GALC: variants seen among roughly 807,000 people sequenced by gnomAD.
GALC encodes the protein galactocerebrosidase.
Under a neutral mutation model 91.8 loss-of-function variants are expected in GALC, and 77 were observed. That is an observed-to-expected ratio of 0.84 (90% CI 0.70 to 1.01). The LOEUF (loss-of-function observed/expected upper bound fraction) is 1.01, where lower values mean the gene tolerates loss of function less well. GALC is among the 50% of genes least tolerant of loss of function. The pLI, the probability that GALC is intolerant of heterozygous loss-of-function variation, is 0.00. For missense variants in GALC, 882 were observed against 855.9 expected (o/e 1.03, Z -0.38); for synonymous variants, 357 against 306.7 (o/e 1.16, Z -1.71).
At chr14:87,942,458 TACA>T (rs1263705649) in intron 14 of GALC, among the ~76,000 whole-genome samples, 1 of 151,992 alleles carries the variant, frequency 6.6e-6, no homozygotes, top group African/African-American at 2.4e-5. Flanking sequence ...TGCTACCAGG[TACA>T]ACACTTTCCT....
Position 87,933,913 on chromosome 14 carries a change from G to T in GALC, c.*819C>A. The T allele has an allele frequency of 7.5e-7, 1 of 1,338,408 alleles. No homozygotes were observed. The highest frequency in any genetic ancestry group is 1.0e-6 in the Non-Finnish European group (1 of 967,046). The allele number at this position is 1,338,408 out of a possible 1,614,324, so 82.9% of individuals were successfully genotyped here. ...GAGTCTGTTACCAGTGCACATGTGA[G>T]GACAGACCACAGCACAGTGAGATGA... On this transcript the variant is annotated 3_prime_UTR_variant, in exon 17 of 17. Transcript: ENST00000261304.
intron 6 of GALC, chr14:87,981,447 C>T (rs1455603422): frequency 5.2e-6 from 1 of 192,602 alleles, no homozygotes; most frequent in African/African-American, 2.4e-5. Context: ...TCTCCAAAAA[C>T]CTATGGAAAT....
intron 7 of GALC, among the ~76,000 whole-genome samples, chr14:87,972,521 C>T (rs1456127274): frequency 6.6e-6 from 1 of 151,766 alleles, no homozygotes; most frequent in African/African-American, 2.4e-5. Flanking sequence ...AGCTATTATC[C>T]GATGATTTTT....
intron 10 of GALC, 84 bp downstream of exon 10, chr14:87,963,300 G>T: frequency 7.0e-7 from 1 of 1,424,450 alleles, no homozygotes; most frequent in Non-Finnish European, 9.9e-7. Context: ...GTATTTACAT[G>T]TAAAACAAAA....
intron 3 of GALC, among the ~76,000 whole-genome samples, chr14:87,987,473 C>T (rs1276862399): frequency 1.3e-5 from 2 of 152,160 alleles, no homozygotes; most frequent in Non-Finnish European, 1.5e-5. Context: ...TCAACATAAA[C>T]ACTAATACCA....
intron 9 of GALC, among the ~76,000 whole-genome samples, chr14:87,965,059 A>G (rs1885975812): frequency 6.6e-6 from 1 of 152,176 alleles, no homozygotes; most frequent in African/African-American, 2.4e-5. Flanking sequence ...ATTCAATAAT[A>G]CAGTATTTTT....
Position 87,950,682 on chromosome 14 carries a change from T to C in GALC, c.1228A>G (p.Thr410Ala). ...ACAAAAGATCCCTTAAGAACAAAGGTGGCAAATTGTTGTGACACATTGAAA... is the reference window on the plus strand; with the variant it reads ...ACAAAAGATCCCTTAAGAACAAAGGCGGCAAATTGTTGTGACACATTGAAA... Reference protein sequence around the residue: ...PYFNVSQQFATFVLKGSFSEI... With the variant: ...PYFNVSQQFAAFVLKGSFSEI... The change falls in exon 11 of 17, where the codon ACC (threonine) becomes GCC (alanine). Residue 410 changes from threonine to alanine, a missense_variant. Coordinates refer to ENST00000261304, the MANE Select transcript of GALC (RefSeq NM_000153.4). The C allele has an allele frequency of 6.2e-7, 1 of 1,603,546 alleles. No homozygotes were observed. Among genetic ancestry groups the C allele is most frequent in the South Asian group, 1.1e-5 (1 of 90,728 alleles).
chr14:87,983,604 T>C (rs960578015), intron 5 of GALC, among the ~76,000 whole-genome samples: 2 of 152,194 alleles, frequency 1.3e-5, no homozygotes, highest in South Asian at 2.1e-4. Context: ...CATGATTGCA[T>C]GAAAATGTTT....
intron 4 of GALC, among the ~76,000 whole-genome samples, chr14:87,985,396 C>T (rs1020521503): frequency 6.6e-6 from 1 of 152,114 alleles, no homozygotes; most frequent in African/African-American, 2.4e-5. Context: ...TTCTTGAAAA[C>T]AATGAAATGC....
At chr14:87,941,647 A>G (rs1884860651) in intron 14 of GALC, 89 bp from the exon 15 acceptor site, 1 of 932,350 alleles carries the variant, frequency 1.1e-6, no homozygotes. Flanking sequence ...CATGCTTCCA[A>G]ACTTCTAATT....
chr14:87,962,142 T>C (rs893598536), intron 10 of GALC, among the ~76,000 whole-genome samples: 8 of 152,168 alleles, frequency 5.3e-5, no homozygotes, highest in African/African-American at 1.9e-4. Context: ...GCCCCAAGAA[T>C]ATAACCAGAC....
In GALC at chr14:87,934,146, T is replaced by C; in HGVS notation, c.*586A>G. 7.0e-7 allele frequency: 1 copy of C among 1,424,850 alleles called. No individual in the cohort carries two copies. The allele number at this position is 1,424,850 out of a possible 1,614,324, so 88.3% of individuals were successfully genotyped here. ...GAGGTAGTTTATTAAAGAGGCATTT[T>C]TAAAATCATCCCACTCATCATATCC... On this transcript the variant is annotated 3_prime_UTR_variant, in exon 17 of 17. Coordinates refer to ENST00000261304, the MANE Select transcript of GALC (RefSeq NM_000153.4).
intron 8 of GALC, among the ~76,000 whole-genome samples, chr14:87,965,942 C>A (rs1468027112): frequency 6.6e-6 from 1 of 152,170 alleles, no homozygotes; most frequent in Non-Finnish European, 1.5e-5. Flanking sequence ...CAACACATCA[C>A]AAATTTGAGT....
chr14:87,992,351 G>A (rs148783773), intron 1 of GALC: 9 of 1,535,722 alleles, frequency 5.9e-6, no homozygotes, highest in Middle Eastern at 1.7e-4. Context: ...GGAGTACCCG[G>A]TAGTTTCAGG....
chr14:87,971,365 G>C (rs1038252410), intron 7 of GALC, among the ~76,000 whole-genome samples: 3 of 152,160 alleles, frequency 2.0e-5, no homozygotes, highest in African/African-American at 7.2e-5. Context: ...TCACAGGCTT[G>C]AAGTTAGGGG....
rs542860680 is a variant in GALC at position 87,989,080 on chromosome 14, A to G, written c.196-557T>C. Among the ~76,000 whole-genome samples the G allele has an allele frequency of 2.7e-3, 418 of 152,314 alleles. 3 individuals carry two copies. Among genetic ancestry groups the G allele is most frequent in the African/African-American group, 9.7e-3 (403 of 41,566 alleles). ...ACAAGGGTAGACAGCGCAGGGACCA[A>G]TACTGGATCATGCCTGGACCACGGC... On this transcript the variant is annotated intron_variant, in intron 1 of 16. Transcript: ENST00000261304.
At chr14:87,966,524 T>C (rs976832884) in intron 8 of GALC, among the ~76,000 whole-genome samples, 5 of 152,210 alleles carry the variant, frequency 3.3e-5, no homozygotes, top group African/African-American at 1.2e-4. Flanking sequence ...ACTGACATTC[T>C]TAGCAAATCA....
chr14:87,975,049 A>G (rs1316702536), intron 7 of GALC, among the ~76,000 whole-genome samples: 1 of 152,122 alleles, frequency 6.6e-6, no homozygotes, highest in African/African-American at 2.4e-5. Flanking sequence ...CAAAACTTTC[A>G]TTTTAATTTC....
intron 13 of GALC, 122 bp from the exon 14 acceptor site, chr14:87,945,855 A>G (rs1448479716): frequency 2.6e-6 from 2 of 762,938 alleles, no homozygotes; most frequent in East Asian, 2.7e-5. Flanking sequence ...TAAAATCTAA[A>G]CCAAAGTTTA....
Sources: gnomAD v4.1 joint callset for allele counts (sites outside exome capture counted in the v4.1 genomes callset) on GRCh38, gnomAD v4.1.1 for gene constraint, MANE v1.5 for transcripts, NCBI Gene and HGNC (gene_info 2026-07-23, HGNC 2026-07-21) for gene names.